The following TOP2B variants were observed in gnomAD, a reference collection of about 807,000 sequenced individuals.
TOP2B encodes DNA topoisomerase II beta.
TOP2B carries 51 observed loss-of-function variants against 193.5 expected under a neutral mutation model. The ratio of observed to expected loss-of-function variants is 0.26; its 90% CI spans 0.21 to 0.33. The LOEUF (loss-of-function observed/expected upper bound fraction) is 0.33, where lower values mean the gene tolerates loss of function less well. Ranked by LOEUF, TOP2B falls within the 10% of genes least tolerant of loss-of-function variation. TOP2B has a pLI of 1.00. For synonymous variants in TOP2B, 634 were observed against 635.7 expected, an observed-to-expected ratio of 1.00 and a Z score of 0.04; for missense variants, 1,378 against 1,909.3, an observed-to-expected ratio of 0.72 and a Z score of 5.19.
At chr3:25,656,105 T>C (rs1254856346) in intron 1 of TOP2B, among the ~76,000 whole-genome samples, 3 of 152,276 alleles carry the variant, frequency 2.0e-5, no homozygotes, top group Admixed American at 1.3e-4. Flanking sequence ...AGGAAGAACA[T>C]AGAAATACTG....
At chr3:25,650,108 G>A (rs1232170072) in intron 1 of TOP2B, among the ~76,000 whole-genome samples, 1 of 152,122 alleles carries the variant, frequency 6.6e-6, no homozygotes, top group African/African-American at 2.4e-5. Flanking sequence ...TTATAAGATG[G>A]ATGCCTAATT....
intron 15 of TOP2B, among the ~76,000 whole-genome samples, chr3:25,627,687 A>G (rs1175051613): frequency 1.3e-5 from 2 of 152,336 alleles, no homozygotes; most frequent in Admixed American, 6.5e-5. Context: ...TTACAAGGAA[A>G]AAATATAAAA....
At chr3:25,619,760 C>T (rs940200353) in intron 23 of TOP2B, 102 bp downstream of exon 23, 2 of 681,364 alleles carry the variant, frequency 2.9e-6, no homozygotes, top group Admixed American at 3.2e-5. Flanking sequence ...AAAAAAAATG[C>T]CTTCAGGCTT....
At chr3:25,653,005 C>T (rs552783671) in intron 1 of TOP2B, among the ~76,000 whole-genome samples, 1 of 152,248 alleles carries the variant, frequency 6.6e-6, no homozygotes, top group East Asian at 1.9e-4. Context: ...AAAAGACTTA[C>T]ATGACCACAC....
intron 1 of TOP2B, among the ~76,000 whole-genome samples, chr3:25,651,221 G>A (rs1161786480): frequency 1.3e-5 from 2 of 151,990 alleles, no homozygotes; most frequent in Non-Finnish European, 2.9e-5. Context: ...TTCTAAATCT[G>A]TGTTAAAATA....
rs781633604 is a variant in TOP2B at position 25,624,699 on chromosome 3, C to A, written c.2329G>T (p.Ala777Ser). 97 of 1,613,628 alleles carry A rather than the reference C, an allele frequency of 6.0e-5. No homozygotes were observed. The highest frequency in any genetic ancestry group is 7.6e-5 in the Non-Finnish European group (90 of 1,179,776). ...ATGCTTACTTCTCCATGATGATAAG[C>A]CGACATCTCAGCAACAGAGCCAGCC... ...QLAGSVAEMS[A>S]YHHGEQALMM... The change falls in exon 19 of 36, where the codon GCT becomes TCT. Residue 777 changes from alanine to serine, a missense_variant. Ala to Ser is a moderately conservative substitution (Grantham distance 99, BLOSUM62 1). This residue lies in a region of TOP2B where 379 missense variants were observed against 615.1 expected (regional missense o/e 0.62). Transcript: ENST00000264331.
At chr3:25,662,480 TAA>T (rs1331919428) in intron 1 of TOP2B, among the ~76,000 whole-genome samples, 1 of 152,248 alleles carries the variant, frequency 6.6e-6, no homozygotes, top group Non-Finnish European at 1.5e-5. Flanking sequence ...AATAAAACAC[TAA>T]GTGATCTTCA....
intron 8 of TOP2B, 115 bp downstream of exon 8, chr3:25,633,726 T>C: frequency 1.2e-6 from 1 of 852,398 alleles, no homozygotes; most frequent in Non-Finnish European, 1.7e-6. Context: ...CAATTCTTAT[T>C]TAACAAAAAC....
At chr3:25,659,392 T>C (rs1703843679) in intron 1 of TOP2B, among the ~76,000 whole-genome samples, 1 of 152,108 alleles carries the variant, frequency 6.6e-6, no homozygotes, top group Admixed American at 6.6e-5. Flanking sequence ...TTCTCTATAA[T>C]AAAGGGAATG....
chr3:25,612,234 G>A (rs1702389428), intron 28 of TOP2B, among the ~76,000 whole-genome samples: 1 of 152,178 alleles, frequency 6.6e-6, no homozygotes, highest in African/African-American at 2.4e-5. Context: ...GAGCCACCGT[G>A]CCCGGCCGGC....
At chr3:25,602,415 AG>A (rs1326738195) in intron 33 of TOP2B, among the ~76,000 whole-genome samples, 13 of 114,246 alleles carry the variant, frequency 1.1e-4, no homozygotes, top group East Asian at 6.4e-4. Context: ...AAAAAGAAAA[AG>A]AAAAAAAAAA....
chr3:25,664,475 G>A lies in TOP2B; in HGVS notation c.-178C>T. 2 of 1,203,912 alleles carry A rather than the reference G, an allele frequency of 1.7e-6. No homozygotes were observed. The highest frequency in any genetic ancestry group is 3.3e-4 in the Middle Eastern group (1 of 3,014). The allele number at this position is 1,203,912 out of a possible 1,614,324, so 74.6% of individuals were successfully genotyped here. A position where few individuals can be genotyped will look rare whatever the true frequency, so the allele number is the denominator to read the frequency against. ...GACGTCCAGCCGAGCCCGCTGAGGA[G>A]GCCGCGCCGCCGGCTGCCCTCAAAC... On this transcript the variant is annotated 5_prime_UTR_variant, in exon 1 of 36. Transcript: ENST00000264331.
intron 1 of TOP2B, among the ~76,000 whole-genome samples, chr3:25,649,869 A>C (rs1206348937): frequency 6.6e-6 from 1 of 152,198 alleles, no homozygotes; most frequent in African/African-American, 2.4e-5. Flanking sequence ...TGGAATCAAA[A>C]GATAAAAATA....
chr3:25,599,593 CA>C (rs755277933), intron 34 of TOP2B, 64 bp from the exon 35 acceptor site: 38 of 1,454,724 alleles, frequency 2.6e-5, no homozygotes, highest in Non-Finnish European at 3.5e-5. Context: ...ATAAATGCCA[CA>C]ACATTGTAGT....
rs1575589633 is a variant in TOP2B, at chr3:25,657,727, T to C, written c.69+6502A>G. ...CATGTTCTATAGCAATTGCTCACAG[T>C]ACTCCACATTGAATAAAAATTAACA... is the stretch of plus-strand genomic sequence containing the variant. On this transcript the variant is annotated intron_variant, in intron 1 of 35. Transcript: ENST00000264331. Among the ~76,000 whole-genome samples the C allele has an allele frequency of 2.6e-5, 4 of 152,316 alleles. No homozygotes were observed. In the South Asian group the frequency reaches 8.3e-4, roughly 32 times the overall value.
chr3:25,661,363 C>T (rs1047143352), intron 1 of TOP2B, among the ~76,000 whole-genome samples: 16 of 152,100 alleles, frequency 1.1e-4, no homozygotes, highest in African/African-American at 3.6e-4. Context: ...CTGGTTACCA[C>T]TTTTTGAGAT....
At chr3:25,601,613 C>CA (rs879457010) in intron 33 of TOP2B, among the ~76,000 whole-genome samples, 436 of 146,564 alleles carry the variant, frequency 3.0e-3, no homozygotes, top group African/African-American at 9.8e-3. Flanking sequence ...ACTCTATCTT[C>CA]AAAAAAAAAA....
Position 25,619,855 on chromosome 3 carries a change from A to G in TOP2B, c.3063+7T>C. On this transcript the variant is annotated splice_region_variant and intron_variant, in intron 23 of 35. Transcript: ENST00000264331. Reference sequence around the variant, plus strand: ...AGATTAAATTAACAGTAAATCTAATAAATTACCATGGAATTACAAGTAAGA... The same window carrying G: ...AGATTAAATTAACAGTAAATCTAATGAATTACCATGGAATTACAAGTAAGA... 3.8e-6 allele frequency: 6 copies of G among 1,575,052 alleles called. No homozygotes were observed. Among genetic ancestry groups the G allele is most frequent in the Non-Finnish European group, 5.2e-6 (6 of 1,145,440 alleles).
At chr3:25,612,469 T>C (rs999519613) in intron 28 of TOP2B, 46 bp downstream of exon 28, 1 of 1,435,992 alleles carries the variant, frequency 7.0e-7, no homozygotes, top group Non-Finnish European at 9.4e-7. Context: ...TATACATATA[T>C]TTCATTATAG....
Sources: allele counts gnomAD v4.1 joint callset (sites outside exome capture counted in the v4.1 genomes callset), GRCh38; gene constraint gnomAD v4.1.1; regional missense constraint gnomAD v4.1.1; transcripts MANE v1.5; gene names NCBI Gene and HGNC (gene_info 2026-07-23, HGNC 2026-07-21).